The following CNTNAP2 variants were observed in gnomAD, a reference collection of about 807,000 sequenced individuals.
CNTNAP2 encodes contactin-associated protein-like 2.
CNTNAP2 carries 98 observed loss-of-function variants against 155.2 expected under a neutral mutation model. The observed-to-expected ratio is 0.63, with a 90% CI of 0.54 to 0.75. CNTNAP2 has a LOEUF of 0.75. CNTNAP2 is among the 30% of genes least tolerant of loss of function. The pLI, the probability that CNTNAP2 is intolerant of heterozygous loss-of-function variation, is 0.00. For missense variants in CNTNAP2, 1,727 were observed against 1,688.1 expected (o/e 1.02, Z -0.40); for synonymous variants, 651 against 631.2 (o/e 1.03, Z -0.47).
intron 1 of CNTNAP2, among the ~76,000 whole-genome samples, chr7:146,671,726 T>C (rs1800310582): frequency 6.6e-6 from 1 of 152,162 alleles, no homozygotes. Context: ...TAATTTAGCC[T>C]TATATTTCTC....
chr7:146,555,630 T>C (rs1157734646), intron 1 of CNTNAP2, among the ~76,000 whole-genome samples: 1 of 152,132 alleles, frequency 6.6e-6, no homozygotes, highest in Non-Finnish European at 1.5e-5. Flanking sequence ...CTTATATATG[T>C]AAACATTTAG....
chr7:147,042,087 GT>G (rs1172412394), intron 3 of CNTNAP2, among the ~76,000 whole-genome samples: 1 of 152,126 alleles, frequency 6.6e-6, no homozygotes, highest in Admixed American at 6.5e-5. Context: ...ATGAAATTTT[GT>G]CAACAAGATG....
chr7:147,263,150 C>A (rs1428009835), intron 8 of CNTNAP2, among the ~76,000 whole-genome samples: 2 of 152,064 alleles, frequency 1.3e-5, no homozygotes, highest in Non-Finnish European at 2.9e-5. Flanking sequence ...AGTTTAAGAC[C>A]AGCCTGGGCA....
chr7:147,625,047 C>A (rs967640517), intron 12 of CNTNAP2, among the ~76,000 whole-genome samples: 17 of 151,884 alleles, frequency 1.1e-4, no homozygotes, highest in African/African-American at 4.1e-4. Flanking sequence ...TTGGGGGATC[C>A]AAAAATCAAA....
At chr7:146,736,567 C>T (rs1801624105) in intron 1 of CNTNAP2, among the ~76,000 whole-genome samples, 1 of 152,178 alleles carries the variant, frequency 6.6e-6, no homozygotes, top group African/African-American at 2.4e-5. Flanking sequence ...TATTAACTAA[C>T]TTGACTGTTA....
intron 13 of CNTNAP2, among the ~76,000 whole-genome samples, chr7:147,766,086 C>T (rs1797378969): frequency 6.6e-6 from 1 of 151,998 alleles, no homozygotes; most frequent in African/African-American, 2.4e-5. Flanking sequence ...CAGAATTGAC[C>T]ACAAAGAGGC....
At chr7:148,092,879 TAA>T (rs11321148) in intron 15 of CNTNAP2, among the ~76,000 whole-genome samples, 11,289 of 122,648 alleles carry the variant, frequency 0.092, 510 homozygotes, top group South Asian at 0.21. Flanking sequence ...AGTCTCAATT[TAA>T]AAAAAAAAAA....
intron 1 of CNTNAP2, among the ~76,000 whole-genome samples, chr7:146,538,857 A>T (rs565900389): frequency 6.6e-4 from 100 of 152,250 alleles, no homozygotes; most frequent in African/African-American, 2.3e-3. Flanking sequence ...ATAAAAATTT[A>T]TTATAAAATG....
intron 1 of CNTNAP2, among the ~76,000 whole-genome samples, chr7:146,574,799 T>C (rs758352870): frequency 3.9e-5 from 6 of 152,206 alleles, no homozygotes; most frequent in Non-Finnish European, 8.8e-5. Context: ...TTTTTCTTTC[T>C]TACTTTCTTC....
At chr7:148,140,450 T>A (rs1414404397) in intron 16 of CNTNAP2, among the ~76,000 whole-genome samples, 1 of 150,840 alleles carries the variant, frequency 6.6e-6, no homozygotes, top group African/African-American at 2.4e-5. Context: ...AGACAGAGTT[T>A]CGCTCTTGTT....
chr7:146,740,409 G>A (rs1034482892), intron 1 of CNTNAP2, among the ~76,000 whole-genome samples: 1 of 151,314 alleles, frequency 6.6e-6, no homozygotes, highest in Non-Finnish European at 1.5e-5. Context: ...CTTTAAAATG[G>A]TTATTTTATA....
rs376948311 is a variant in CNTNAP2, at chr7:146,790,694, G to A, written c.208+16313G>A. On this transcript the variant is annotated intron_variant, in intron 2 of 23. Transcript: ENST00000361727. ...ACGCCATTCTCCTGCCTCAGCCTCC[G>A]GAGTAGCTGGGACTACAGGCTCCCG... Among the ~76,000 whole-genome samples the A allele has an allele frequency of 3.1e-4, 47 of 151,470 alleles. 1 individual carries two copies. Among genetic ancestry groups the A allele is most frequent in the East Asian group, 1.2e-3 (6 of 5,082 alleles).
chr7:148,179,421 T>C (rs1794996640), intron 18 of CNTNAP2, among the ~76,000 whole-genome samples: 8 of 151,974 alleles, frequency 5.3e-5, no homozygotes, highest in Admixed American at 5.2e-4. Flanking sequence ...ATGGGAGGAT[T>C]GCTTGAGCTC....
chr7:148,344,736 C>T lies in CNTNAP2; in HGVS notation c.3476-38913C>T, dbSNP rs148643447. On this transcript the variant is annotated intron_variant, in intron 21 of 23. Coordinates refer to ENST00000361727, the MANE Select transcript of CNTNAP2 (RefSeq NM_014141.6). ...TGGTAAATAAGGGGATCAAAATGTA[C>T]ATCAGCAGCATATGTGAAAGCACTT... Among the ~76,000 whole-genome samples, 32 of 152,258 alleles carry T rather than the reference C, an allele frequency of 2.1e-4. No homozygotes were observed. In the East Asian group the frequency reaches 4.1e-3, roughly 19 times the overall value.
intron 18 of CNTNAP2, among the ~76,000 whole-genome samples, chr7:148,177,459 AGCCCTGAGAACACCTT>A (rs1266544963): frequency 6.6e-6 from 1 of 152,238 alleles, no homozygotes; most frequent in Non-Finnish European, 1.5e-5. Flanking sequence ...GAAGAAGCGT[AGCCCTGAGAACACCTT>A]GCTTTCAGAC....
In CNTNAP2 at chr7:146,246,374, C is replaced by T. The variant is rs574781433; in HGVS notation, c.97+129401C>T. Among the ~76,000 whole-genome samples, 236 of 150,648 alleles carry T rather than the reference C, an allele frequency of 1.6e-3. 2 individuals carry two copies. Among genetic ancestry groups the T allele is most frequent in the African/African-American group, 5.6e-3 (227 of 40,228 alleles). The stretch of plus-strand genomic sequence containing the variant: ...GTCTCGGCCTAATAAGGGAACTGGG[C>T]AGGTGGGGATAACTAAAAGGAGTGC... On this transcript the variant is annotated intron_variant, in intron 1 of 23. Transcript: ENST00000361727.
intron 9 of CNTNAP2, among the ~76,000 whole-genome samples, chr7:147,320,434 A>G (rs1795328586): frequency 6.6e-6 from 1 of 152,170 alleles, no homozygotes. Flanking sequence ...AACTGACAGT[A>G]TGTACCAATA....
chr7:146,949,005 A>T (rs970442520), intron 3 of CNTNAP2, among the ~76,000 whole-genome samples: 5 of 152,188 alleles, frequency 3.3e-5, no homozygotes, highest in African/African-American at 1.2e-4. Flanking sequence ...GTCATGCTTA[A>T]CTATATTACT....
intron 8 of CNTNAP2, chr7:147,162,124 T>TTCTA (rs1401667593): frequency 6.6e-6 from 1 of 152,132 alleles, no homozygotes; most frequent in Non-Finnish European, 1.5e-5. Flanking sequence ...CTCACAAATA[T>TTCTA]TCTATCTCTC....
Sources: allele counts gnomAD v4.1 joint callset (sites outside exome capture counted in the v4.1 genomes callset), GRCh38; gene constraint gnomAD v4.1.1; transcripts MANE v1.5; gene names NCBI Gene and HGNC (gene_info 2026-07-23, HGNC 2026-07-21).